DCC: variants seen among roughly 807,000 people sequenced by gnomAD.
DCC encodes the protein netrin receptor DCC.
DCC carries 58 observed loss-of-function variants against 172.5 expected under a neutral mutation model. The ratio of observed to expected loss-of-function variants is 0.34; its 90% CI spans 0.27 to 0.42. The LOEUF is 0.42. DCC is among the 10% of genes least tolerant of loss of function. The pLI is 1.00. For synonymous variants in DCC, 709 were observed against 644.5 expected (o/e 1.10, Z -1.52); for missense variants, 1,740 against 1,791.0 (o/e 0.97, Z 0.51).
intron 2 of DCC, among the ~76,000 whole-genome samples, chr18:52,837,365 T>C (rs1429624043): frequency 6.6e-6 from 1 of 152,202 alleles, no homozygotes; most frequent in Non-Finnish European, 1.5e-5. Flanking sequence ...AGGCTGCAAC[T>C]TTTCCAAACT....
chr18:53,316,206 A>G (rs1489233229), intron 13 of DCC, among the ~76,000 whole-genome samples: 1 of 152,222 alleles, frequency 6.6e-6, no homozygotes, highest in Admixed American at 6.5e-5. Flanking sequence ...TTTATTAAAT[A>G]GGGAATCCTT....
chr18:52,421,263 G>C (rs1283584031), intron 1 of DCC, among the ~76,000 whole-genome samples: 1 of 152,158 alleles, frequency 6.6e-6, no homozygotes, highest in Non-Finnish European at 1.5e-5. Context: ...ATGTAGACAG[G>C]TAGACCAGGT....
chr18:53,222,104 G>A (rs151292090), intron 12 of DCC, among the ~76,000 whole-genome samples: 8 of 152,134 alleles, frequency 5.3e-5, no homozygotes, highest in East Asian at 1.9e-4. Context: ...AACAGTTTAC[G>A]TCTTTTTTCA....
chr18:53,102,894 A>G (rs1159528484), intron 7 of DCC, among the ~76,000 whole-genome samples: 1 of 152,056 alleles, frequency 6.6e-6, no homozygotes, highest in African/African-American at 2.4e-5. Context: ...TACACCCCCA[A>G]GTTATCAGTG....
At chr18:53,526,184 C>A (rs2046452793) in intron 27 of DCC, among the ~76,000 whole-genome samples, 1 of 152,110 alleles carries the variant, frequency 6.6e-6, no homozygotes, top group Non-Finnish European at 1.5e-5. Context: ...CATTTGTAGA[C>A]CAGAGCAACC....
rs374129823 is a variant in DCC at position 52,783,323 on chromosome 18, C to CTTTTTTTTTTTTTTTTTT, written c.412+30970_412+30987dup. On this transcript the variant is annotated intron_variant, in intron 2 of 28. Coordinates refer to ENST00000442544, the MANE Select transcript of DCC (RefSeq NM_005215.4). ...ACTAAAAATAATTTATACTACTACTCTTTTTTTTTTTTTTTTTTTTTTTTT... is the reference window on the plus strand; with the variant it reads ...ACTAAAAATAATTTATACTACTACTCTTTTTTTTTTTTTTTTTTTTTTTTTTTTTTTTTTTTTTTTTTT... Among the ~76,000 whole-genome samples, 49 of 59,254 alleles carry CTTTTTTTTTTTTTTTTTT rather than the reference C, an allele frequency of 8.3e-4. 8 individuals carry two copies. Among genetic ancestry groups the CTTTTTTTTTTTTTTTTTT allele is most frequent in the Admixed American group, 1.9e-3 (8 of 4,178 alleles). The allele number at this position is 59,254 out of a possible 152,430, so 38.9% of individuals were successfully genotyped here.
chr18:52,573,040 G>T (rs775113624), intron 1 of DCC, among the ~76,000 whole-genome samples: 1 of 152,112 alleles, frequency 6.6e-6, no homozygotes, highest in African/African-American at 2.4e-5. Flanking sequence ...AACAGAAACC[G>T]TATGTAATGT....
chr18:53,495,406 A>AG (rs2046009343), intron 26 of DCC, among the ~76,000 whole-genome samples: 1 of 148,306 alleles, frequency 6.7e-6, no homozygotes, highest in Non-Finnish European at 1.5e-5. Context: ...AAAAAAAAAA[A>AG]GAAAGAAAGA....
chr18:53,512,769 TAA>T, intron 27 of DCC, among the ~76,000 whole-genome samples: 1 of 148,130 alleles, frequency 6.8e-6, no homozygotes, highest in East Asian at 2.0e-4. Flanking sequence ...GAAAAAAGAA[TAA>T]AAAGAAATTA....
chr18:52,636,742 T>C (rs1303727011), intron 1 of DCC, among the ~76,000 whole-genome samples: 2 of 152,152 alleles, frequency 1.3e-5, no homozygotes, highest in African/African-American at 4.8e-5. Context: ...TCCACCCTGA[T>C]AGCGGAAGAC....
intron 7 of DCC, among the ~76,000 whole-genome samples, chr18:53,156,995 G>A (rs1206822226): frequency 1.3e-5 from 2 of 152,096 alleles, no homozygotes; most frequent in Admixed American, 6.6e-5. Flanking sequence ...ATTATCCACA[G>A]TTCTAAGGTC....
chr18:52,860,056 G>A (rs537633579), intron 2 of DCC, among the ~76,000 whole-genome samples: 18 of 152,350 alleles, frequency 1.2e-4, no homozygotes, highest in African/African-American at 4.3e-4. Context: ...TTGCCAATGG[G>A]CTAGACGTCT....
intron 1 of DCC, among the ~76,000 whole-genome samples, chr18:52,358,627 C>T (rs17669415): frequency 1.3e-5 from 2 of 152,046 alleles, no homozygotes; most frequent in Non-Finnish European, 2.9e-5. Context: ...ATGAACATAA[C>T]CAAAATTACT....
chr18:53,340,991 A>G (rs2057653295), intron 15 of DCC, among the ~76,000 whole-genome samples: 1 of 152,192 alleles, frequency 6.6e-6, no homozygotes, highest in African/African-American at 2.4e-5. Flanking sequence ...TCTCTCTATA[A>G]TTGCTTCAAA....
intron 7 of DCC, among the ~76,000 whole-genome samples, chr18:53,089,680 T>C (rs1463486067): frequency 6.6e-6 from 1 of 152,160 alleles, no homozygotes; most frequent in Non-Finnish European, 1.5e-5. Context: ...ACTGTGCTGA[T>C]TGGACAAGTC....
At chr18:53,391,381 T>C (rs1033216735) in intron 16 of DCC, among the ~76,000 whole-genome samples, 2 of 152,176 alleles carry the variant, frequency 1.3e-5, no homozygotes, top group African/African-American at 2.4e-5. Context: ...TTAAAATATA[T>C]AAGCAGAAGT....
At chr18:52,699,890 C>G (rs1376451096) in intron 1 of DCC, among the ~76,000 whole-genome samples, 1 of 152,112 alleles carries the variant, frequency 6.6e-6, no homozygotes, top group Non-Finnish European at 1.5e-5. Context: ...ACCCATTTAA[C>G]ATGTACAATG....
chr18:53,312,236 G>A (rs1202169373), intron 13 of DCC, among the ~76,000 whole-genome samples: 4 of 149,176 alleles, frequency 2.7e-5, no homozygotes, highest in African/African-American at 9.8e-5. Flanking sequence ...GGCTACTCAG[G>A]AGGCTGAGGC....
chr18:53,213,380 T>C (rs1177402922), intron 11 of DCC, among the ~76,000 whole-genome samples: 1 of 152,054 alleles, frequency 6.6e-6, no homozygotes, highest in Non-Finnish European at 1.5e-5. Context: ...CCGGGCGTAG[T>C]GGCTCACTCC....
Sources: allele counts gnomAD v4.1 joint callset (sites outside exome capture counted in the v4.1 genomes callset), GRCh38; gene constraint gnomAD v4.1.1; transcripts MANE v1.5; gene names NCBI Gene and HGNC (gene_info 2026-07-23, HGNC 2026-07-21).